The following TDRD9 variants were observed in gnomAD, a reference collection of about 807,000 sequenced individuals.
TDRD9 encodes the protein tudor domain containing 9, also known as ATP-dependent RNA helicase TDRD9.
A neutral mutation model predicts 172.6 loss-of-function variants in TDRD9; 124 were observed. The observed-to-expected ratio is 0.72, with a 90% CI of 0.62 to 0.83. TDRD9 has a LOEUF of 0.83. Ranked by LOEUF, TDRD9 falls within the 40% of genes least tolerant of loss-of-function variation. The probability of loss-of-function intolerance (pLI) is 0.00; values close to 1 mark genes in which losing one functional copy is unlikely to be tolerated. For missense variants in TDRD9, 1,479 were observed against 1,714.1 expected, an observed-to-expected ratio of 0.86 and a Z score of 2.42; for synonymous variants, 619 against 617.1, an observed-to-expected ratio of 1.00 and a Z score of -0.05.
At chr14:103,965,916 G>C (rs1054908682) in intron 4 of TDRD9, among the ~76,000 whole-genome samples, 1 of 149,422 alleles carries the variant, frequency 6.7e-6, no homozygotes, top group Non-Finnish European at 1.5e-5. Flanking sequence ...CTGCACTCCA[G>C]CATGGGCAAC....
intron 1 of TDRD9, among the ~76,000 whole-genome samples, chr14:103,940,042 AT>A (rs1218756363): frequency 1.3e-5 from 2 of 152,094 alleles, no homozygotes; most frequent in Non-Finnish European, 2.9e-5. Context: ...TATAAAAAAA[AT>A]CTGACTAATG....
chr14:103,996,743 G>C (rs1448059510), intron 12 of TDRD9, among the ~76,000 whole-genome samples: 1 of 152,184 alleles, frequency 6.6e-6, no homozygotes, highest in Non-Finnish European at 1.5e-5. Flanking sequence ...ACACATTCGG[G>C]GTGGGTAGAT....
At chr14:103,968,509 G>A (rs764818798) in intron 5 of TDRD9, among the ~76,000 whole-genome samples, 26 of 152,028 alleles carry the variant, frequency 1.7e-4, no homozygotes, top group Non-Finnish European at 1.5e-4. Flanking sequence ...AGCTTGGGCC[G>A]GGCACGGTGG....
chr14:104,021,499 C>T (rs956498378), intron 23 of TDRD9, among the ~76,000 whole-genome samples: 3 of 152,120 alleles, frequency 2.0e-5, no homozygotes, highest in African/African-American at 7.2e-5. Flanking sequence ...TTGAGACCAT[C>T]CGGGCCAACA....
chr14:104,024,406 G>A (rs1389190482), intron 24 of TDRD9, among the ~76,000 whole-genome samples, 163 bp from the exon 25 acceptor site: 1 of 152,088 alleles, frequency 6.6e-6, no homozygotes, highest in Non-Finnish European at 1.5e-5. Context: ...AGAAATTCAT[G>A]TTTGAGATGA....
At chr14:104,002,343 A>C (rs2034290401) in intron 13 of TDRD9, among the ~76,000 whole-genome samples, 1 of 151,870 alleles carries the variant, frequency 6.6e-6, no homozygotes, top group African/African-American at 2.4e-5. Flanking sequence ...AAAAAGAAAA[A>C]AATTTTAGAC....
At chr14:104,050,566 G>A (rs1176476149) in intron 35 of TDRD9, among the ~76,000 whole-genome samples, 2 of 152,192 alleles carry the variant, frequency 1.3e-5, no homozygotes, top group East Asian at 1.9e-4. Flanking sequence ...CCCCTTTGAC[G>A]ATCTAAGTGA....
At chr14:104,047,930 G>C (rs1392127884) in intron 34 of TDRD9, among the ~76,000 whole-genome samples, 1 of 152,058 alleles carries the variant, frequency 6.6e-6, no homozygotes, top group Admixed American at 6.6e-5. Flanking sequence ...AAAACTTCTT[G>C]GCACCTGTTC....
chr14:104,015,958 A>T (rs749729118), intron 21 of TDRD9, 23 bp from the exon 22 acceptor site: 41 of 1,510,506 alleles, frequency 2.7e-5, no homozygotes, highest in Non-Finnish European at 3.6e-5. Flanking sequence ...CTGTTACTTC[A>T]TGAAAATAAA....
chr14:103,965,591 G>A, intron 4 of TDRD9, 37 bp downstream of exon 4: 1 of 1,502,180 alleles, frequency 6.7e-7, no homozygotes. Flanking sequence ...AAGAGAGCCA[G>A]CTGTCTCTCT....
At chr14:103,943,984 A>G (rs1183016039) in intron 1 of TDRD9, among the ~76,000 whole-genome samples, 1 of 152,218 alleles carries the variant, frequency 6.6e-6, no homozygotes, top group Non-Finnish European at 1.5e-5. Flanking sequence ...AAAGGAGTAA[A>G]GTTTATGATG....
chr14:103,970,595 T>C lies in TDRD9; in HGVS notation c.820T>C (p.Leu274=). The change falls in exon 6 of 36, where the codon TTA becomes CTA. Residue 274 remains leucine (L), a synonymous_variant. Coordinates refer to ENST00000409874, the MANE Select transcript of TDRD9 (RefSeq NM_153046.3). ...CCTGCTATTGGTAGTCCGCAAACTC[T>C]TAAGAACAAATTCACGTTTTGTGAA... ...DFLLLVVRKL[L]RTNSRFVKVV... 6.4e-7 allele frequency: 1 copy of C among 1,551,404 alleles called. No individual in the cohort carries two copies. Among genetic ancestry groups the C allele is most frequent in the Non-Finnish European group, 8.7e-7 (1 of 1,146,680 alleles).
At chr14:103,962,941 G>A (rs2032574917) in intron 2 of TDRD9, 138 bp from the exon 3 acceptor site, 2 of 547,718 alleles carry the variant, frequency 3.7e-6, no homozygotes, top group Middle Eastern at 4.6e-4. Flanking sequence ...GTTTTAGCCT[G>A]TAGAAAATGT....
In TDRD9 at chr14:104,042,153, C is replaced by T. The variant is rs746082826; in HGVS notation, c.3940C>T (p.Gln1314Ter). ...CKCLGPERVA[Q>*]LQDIARQKLL... Reference sequence around the variant, plus strand: ...GTGTCTTGGGCCAGAGAGAGTTGCGCAGCTTCAAGACATTGCCCGTCAGAA... The same window carrying T: ...GTGTCTTGGGCCAGAGAGAGTTGCGTAGCTTCAAGACATTGCCCGTCAGAA... The change falls in exon 34 of 36, where the codon CAG becomes TAG. Residue 1314 changes from glutamine (Q) to a stop codon, truncating the protein, a stop_gained. Coordinates refer to ENST00000409874, the MANE Select transcript of TDRD9 (RefSeq NM_153046.3). LOFTEE classifies it high-confidence loss of function. 13 of 1,613,488 alleles carry T rather than the reference C, an allele frequency of 8.1e-6. No homozygotes were observed. In the Admixed American group the frequency reaches 1.5e-4, roughly 19 times the overall value.
rs10593237 is a variant in TDRD9, at chr14:104,004,361, G to GTTTA, written c.1581+60_1581+63dup. 1,757 of 740,688 alleles carry GTTTA rather than the reference G, an allele frequency of 2.4e-3. 14 individuals carry two copies. The highest frequency in any genetic ancestry group is 0.016 in the African/African-American group (909 of 56,244). 45.9% of individuals were successfully genotyped at this position (740,688 alleles called of 1,614,324 possible). On this transcript the variant is annotated intron_variant, in intron 14 of 35. Coordinates refer to ENST00000409874, the MANE Select transcript of TDRD9 (RefSeq NM_153046.3). ...GTAATTCACTTTGGTCATTGTCAAAGTTTATTTATTTATTTATTTATTTAT... is the reference window on the plus strand; with the variant it reads ...GTAATTCACTTTGGTCATTGTCAAAGTTTATTTATTTATTTATTTATTTATTTAT...
chr14:104,005,367 C>G lies in TDRD9; in HGVS notation c.1675C>G (p.Leu559Val), dbSNP rs780664240. 4 of 1,613,980 alleles carry G rather than the reference C, an allele frequency of 2.5e-6. No homozygotes were observed. The highest frequency in any genetic ancestry group is 2.5e-6 in the Non-Finnish European group (3 of 1,179,884). Residue 559 changes from leucine to valine, a missense_variant, in exon 15 of 36, where the codon CTG becomes GTG. Physicochemically the swap from Leu to Val is conservative, Grantham distance 32. Around this residue, in one of 3 missense-constraint regions of TDRD9, gnomAD observed 1,413 missense variants for 1,649.1 expected, o/e 0.86. Coordinates refer to ENST00000409874, the MANE Select transcript of TDRD9 (RefSeq NM_153046.3). ...LLATALSPPGLSDIERTILLL... is the reference protein window; with the variant it reads ...LLATALSPPGVSDIERTILLL... The stretch of plus-strand genomic sequence containing the variant: ...GGCCACTGCCCTTTCCCCGCCTGGT[C>G]TGAGTGACATTGAGCGCACCATCCT...
At chr14:103,953,898 C>T (rs562495183) in intron 1 of TDRD9, among the ~76,000 whole-genome samples, 1 of 152,290 alleles carries the variant, frequency 6.6e-6, no homozygotes, top group Admixed American at 6.5e-5. Flanking sequence ...TTTACTCAGC[C>T]TACTGATTCA....
intron 27 of TDRD9, 50 bp from the exon 28 acceptor site, chr14:104,026,629 G>A (rs1490751451): frequency 6.3e-7 from 1 of 1,594,616 alleles, no homozygotes; most frequent in Non-Finnish European, 8.6e-7. Context: ...TGGGATGAGT[G>A]TTTTGCTTAT....
intron 28 of TDRD9, among the ~76,000 whole-genome samples, chr14:104,027,269 C>T (rs1343953625): frequency 6.6e-6 from 1 of 152,074 alleles, no homozygotes; most frequent in African/African-American, 2.4e-5. Flanking sequence ...AGGTTGGTCT[C>T]AAACTCCTGG....
Sources: allele counts gnomAD v4.1 joint callset (sites outside exome capture counted in the v4.1 genomes callset), GRCh38; gene constraint gnomAD v4.1.1; regional missense constraint gnomAD v4.1.1; transcripts MANE v1.5; gene names NCBI Gene and HGNC (gene_info 2026-07-23, HGNC 2026-07-21).